GBX2: variants seen among roughly 807,000 people sequenced by gnomAD.
GBX2 encodes the protein gastrulation brain homeobox 2, also known as homeobox protein GBX-2.
Under a neutral mutation model 22.4 loss-of-function variants are expected in GBX2, and 5 were observed. The ratio of observed to expected loss-of-function variants is 0.22; its 90% CI spans 0.12 to 0.47. The LOEUF (loss-of-function observed/expected upper bound fraction) is 0.47. Ranked by LOEUF, GBX2 falls within the 20% of genes least tolerant of loss-of-function variation. The probability of loss-of-function intolerance (pLI) is 0.99; values close to 1 mark genes in which losing one functional copy is unlikely to be tolerated. For synonymous variants in GBX2, 220 were observed against 230.5 expected (o/e 0.95, Z 0.41); for missense variants, 470 against 495.4 (o/e 0.95, Z 0.49).
Position 236,165,887 on chromosome 2 carries a change from G to T in GBX2, c.*27C>A. ...CGGGTGCGGGGGCTTCTCCAGGTGGGTGCCAGGCCCTGGCCCTTCTGGACC... is the reference window on the plus strand; with the variant it reads ...CGGGTGCGGGGGCTTCTCCAGGTGGTTGCCAGGCCCTGGCCCTTCTGGACC... On this transcript the variant is annotated 3_prime_UTR_variant, in exon 2 of 2. Transcript: ENST00000306318. The T allele has an allele frequency of 1.3e-6, 2 of 1,569,146 alleles. No individual in the cohort carries two copies. Among genetic ancestry groups the T allele is most frequent in the Non-Finnish European group, 1.7e-6 (2 of 1,157,678 alleles).
chr2:236,163,515 T>G (rs965983743), downstream of GBX2, among the ~76,000 whole-genome samples: 1 of 152,150 alleles, frequency 6.6e-6, no homozygotes, highest in South Asian at 2.1e-4. Flanking sequence ...GCCATGGGCT[T>G]TTGGAGAAGG....
At chr2:236,167,230 G>C (rs368466589) in intron 1 of GBX2, 31 of 1,521,832 alleles carry the variant, frequency 2.0e-5, no homozygotes, top group Non-Finnish European at 2.0e-5. Context: ...GCTGGTCGCC[G>C]GGCGCTAAAC....
Position 236,167,959 on chromosome 2 carries a change from A to G in GBX2, c.13T>C (p.Phe5Leu). 1 of 1,557,604 alleles carries G rather than the reference A, an allele frequency of 6.4e-7. No individual in the cohort carries two copies. The highest frequency in any genetic ancestry group is 8.7e-7 in the Non-Finnish European group (1 of 1,154,190). Residue 5 changes from phenylalanine (F) to leucine (L), a missense_variant, in exon 1 of 2, where the codon TTC (phenylalanine) becomes CTC (leucine). Phe to Leu is a conservative substitution (Grantham distance 22). This residue lies in a region of GBX2 where 377 missense variants were observed against 358.6 expected (regional missense o/e 1.05). Coordinates refer to ENST00000306318, the MANE Select transcript of GBX2 (RefSeq NM_001485.4). Reference protein sequence around the residue: MSAAFPPSLMMMQRP... With the variant: MSAALPPSLMMMQRP... ...TGCATCATCATCAGCGACGGCGGGA[A>G]CGCTGCGCTCATAGACGCGCTCGGT...
rs1035523624 is a variant in GBX2, at chr2:236,167,995, G to C, written c.-24C>G. On this transcript the variant is annotated 5_prime_UTR_variant, in exon 1 of 2. Transcript: ENST00000306318. ...ATAGACGCGCTCGGTAGAGGCCAGC[G>C]AGAGGCGAAAAGTCCCCGCGCCGCG... 8 of 1,515,082 alleles carry C rather than the reference G, an allele frequency of 5.3e-6. No homozygotes were observed. Among genetic ancestry groups the C allele is most frequent in the Admixed American group, 2.2e-5 (1 of 46,450 alleles). 93.9% of individuals were successfully genotyped at this position (1,515,082 alleles called of 1,614,324 possible).
In GBX2 at chr2:236,168,120, T is replaced by C. The variant is rs2060253783; in HGVS notation, c.-149A>G. The C allele has an allele frequency of 2.6e-6, 2 of 774,552 alleles. No individual in the cohort carries two copies. The highest frequency in any genetic ancestry group is 4.2e-5 in the South Asian group (1 of 23,802). The allele number at this position is 774,552 out of a possible 1,614,324, so 48.0% of individuals were successfully genotyped here. A position where few individuals can be genotyped will look rare whatever the true frequency, so the allele number is the denominator to read the frequency against. ...AGCAGACGCCTCCGCCCCTCAGTCC[T>C]GGGCCCGCTGCATGCCGGGCGGGTG... On this transcript the variant is annotated 5_prime_UTR_variant, in exon 1 of 2. Transcript: ENST00000306318.
chr2:236,161,651 C>G (rs1203305863), downstream of GBX2, among the ~76,000 whole-genome samples: 2 of 152,196 alleles, frequency 1.3e-5, no homozygotes, highest in African/African-American at 4.8e-5. Context: ...GCCAGAAGGT[C>G]GGAGCAGGCC....
At position 236,166,124 on chromosome 2, in the gene GBX2, C is replaced by G. The variant is rs1470596216; in HGVS notation, c.837G>C (p.Gln279His). 6.2e-7 allele frequency: 1 copy of G among 1,614,144 alleles called. No individual in the cohort carries two copies. Among genetic ancestry groups the G allele is most frequent in the East Asian group, 2.2e-5 (1 of 44,904 alleles). Residue 279 changes from glutamine (Q) to histidine (H), a missense_variant, in exon 2 of 2, where the codon CAG becomes CAC. This residue lies in a region of GBX2 where 40 missense variants were observed against 55.1 expected (regional missense o/e 0.73). Transcript: ENST00000306318. This position sits in a 1 kb window ranked among gnomAD's most constrained non-coding sequence, Gnocchi z 6.6. ...KKYLSLTERSQIAHALKLSEV... is the reference protein window; with the variant it reads ...KKYLSLTERSHIAHALKLSEV... ...CGCTGAGTTTGAGGGCGTGGGCGAT[C>G]TGCGAGCGCTCGGTCAAGGAGAGGT... is the stretch of plus-strand genomic sequence containing the variant.
rs914835096 is a variant in GBX2, at chr2:236,168,080, G to A, written c.-109C>T. 8 of 1,216,448 alleles carry A rather than the reference G, an allele frequency of 6.6e-6. No homozygotes were observed. The highest frequency in any genetic ancestry group is 2.2e-5 in the South Asian group (1 of 45,736). 75.4% of individuals were successfully genotyped at this position (1,216,448 alleles called of 1,614,324 possible). A position where few individuals can be genotyped will look rare whatever the true frequency, so the allele number is the denominator to read the frequency against. ...CCGCCGGGAGCGCCGGGCAGGGGCCGAGCGGGACCCGGAGAGCAGACGCCT... is the reference window on the plus strand; with the variant it reads ...CCGCCGGGAGCGCCGGGCAGGGGCCAAGCGGGACCCGGAGAGCAGACGCCT... On this transcript the variant is annotated 5_prime_UTR_variant, in exon 1 of 2. Transcript: ENST00000306318.
Position 236,167,841 on chromosome 2 carries a change from T to C in GBX2, c.131A>G (p.Tyr44Cys). 6.7e-7 allele frequency: 1 copy of C among 1,498,704 alleles called. No individual in the cohort carries two copies. The highest frequency in any genetic ancestry group is 8.9e-7 in the Non-Finnish European group (1 of 1,123,776). 92.8% of individuals were successfully genotyped at this position (1,498,704 alleles called of 1,614,324 possible). Residue 44 changes from tyrosine (Y) to cysteine (C), a missense_variant, in exon 1 of 2, where the codon TAC (tyrosine) becomes TGC (cysteine). Physicochemically the swap from Tyr to Cys is radical, Grantham distance 194. Transcript: ENST00000306318. The stretch of plus-strand genomic sequence containing the variant: ...CGGCCGGTAGGGCATGAACATGGGG[T>C]AGCCGGTGTAGACGAAATGGCCGGG... The part of the protein sequence containing the change: ...PSPGHFVYTG[Y>C]PMFMPYRPVV...
downstream of GBX2, among the ~76,000 whole-genome samples, chr2:236,162,261 A>G (rs1240542666): frequency 1.3e-5 from 2 of 152,204 alleles, no homozygotes; most frequent in Non-Finnish European, 2.9e-5. Flanking sequence ...CCCGGGCTCA[A>G]AAAAGCCTGG....
At position 236,166,374 on chromosome 2, in the gene GBX2, T is replaced by C. The variant is rs753318838; in HGVS notation, c.587A>G (p.Glu196Gly). 1 of 1,614,010 alleles carries C rather than the reference T, an allele frequency of 6.2e-7. No individual in the cohort carries two copies. Among genetic ancestry groups the C allele is most frequent in the Non-Finnish European group, 8.5e-7 (1 of 1,180,010 alleles). Reference sequence around the variant, plus strand: ...ATCGCTCTCCAGCGAGAAGCTCTCCTCCTTGCCCTTCGGGTCGTCTTCCAC... The same window carrying C: ...ATCGCTCTCCAGCGAGAAGCTCTCCCCCTTGCCCTTCGGGTCGTCTTCCAC... ...SKVEDDPKGK[E>G]ESFSLESDVD... The change falls in exon 2 of 2, where the codon GAG becomes GGG. Residue 196 changes from glutamate (E) to glycine (G), a missense_variant. Glu to Gly is a moderately conservative substitution (Grantham distance 98). Transcript: ENST00000306318. This position sits in a 1 kb window ranked among gnomAD's most constrained non-coding sequence, Gnocchi z 6.6.
chr2:236,167,072 GC>G, intron 1 of GBX2: 1 of 1,392,280 alleles, frequency 7.2e-7, no homozygotes, highest in Non-Finnish European at 9.8e-7. Flanking sequence ...AAGTCTGGGC[GC>G]CCCTGGGCAC....
At chr2:236,167,308 C>G (rs1247039691) in intron 1 of GBX2, 141 bp downstream of exon 1, 4 of 1,377,992 alleles carry the variant, frequency 2.9e-6, no homozygotes, top group Non-Finnish European at 4.0e-6. Context: ...GCGGCACAGC[C>G]GGGCCTCATC....
At chr2:236,164,585 T>A (rs891349516), downstream of GBX2, among the ~76,000 whole-genome samples, 2 of 151,538 alleles carry the variant, frequency 1.3e-5, no homozygotes, top group African/African-American at 4.9e-5. Context: ...GTTTTCCCCC[T>A]TTGTGGTGCG....
In GBX2 at chr2:236,167,603, C is replaced by T. The variant is rs1305890254; in HGVS notation, c.369G>A (p.Ala123=). The T allele has an allele frequency of 1.3e-6, 2 of 1,594,040 alleles. No individual in the cohort carries two copies. Among genetic ancestry groups the T allele is most frequent in the East Asian group, 2.3e-5 (1 of 43,978 alleles). ...GCGGCTGCGGCGCGAACTTGCGGGC[C>T]GCTGCCGCCTCCTGGTGCTGGGGCG... The part of the protein sequence containing the change: ...SASPQHQEAA[A]ARKFAPQPLP... The change falls in exon 1 of 2, where the codon GCG becomes GCA. Residue 123 remains alanine, a synonymous_variant. Coordinates refer to ENST00000306318, the MANE Select transcript of GBX2 (RefSeq NM_001485.4).
rs1266145891 is a variant in GBX2, at chr2:236,167,477, G to A, written c.495C>T (p.Ser165=). ...GCGAAGCCTGCACCGTCTCGGCCGC[G>A]GAGAAGGCGAGCAGCGAGCCCTCTT... is the stretch of plus-strand genomic sequence containing the variant. ...LAKEGSLLAF[S]AAETVQASLV... Residue 165 remains serine, a synonymous_variant, in exon 1 of 2, where the codon TCC becomes TCT. Transcript: ENST00000306318. 1.3e-6 allele frequency: 2 copies of A among 1,580,756 alleles called. No homozygotes were observed. The highest frequency in any genetic ancestry group is 1.1e-5 in the South Asian group (1 of 88,788).
downstream of GBX2, chr2:236,165,098 G>C (rs950054532): frequency 3.9e-5 from 6 of 152,186 alleles, no homozygotes; most frequent in Non-Finnish European, 7.3e-5. Flanking sequence ...AAAGTGCTGG[G>C]TGGCTCAAGT....
In GBX2 at chr2:236,166,407, T is replaced by G; in HGVS notation, c.554A>C (p.Glu185Ala). ...VGAVRGQGKD[E>A]SKVEDDPKGK... ...CTTCGGGTCGTCTTCCACCTTTGAC[T>G]CGTCTTTCCCTTGCCCTCGGACAGC... The change falls in exon 2 of 2, where the codon GAG becomes GCG. Residue 185 changes from glutamate to alanine, a missense_variant. Coordinates refer to ENST00000306318, the MANE Select transcript of GBX2 (RefSeq NM_001485.4). This position sits in a 1 kb window ranked among gnomAD's most constrained non-coding sequence, Gnocchi z 6.6. The G allele has an allele frequency of 6.2e-7, 1 of 1,613,076 alleles. No homozygotes were observed. The highest frequency in any genetic ancestry group is 8.5e-7 in the Non-Finnish European group (1 of 1,179,318).
rs149479396 is a variant in GBX2, at chr2:236,165,894, G to T, written c.*20C>A. 1 of 1,591,616 alleles carries T rather than the reference G, an allele frequency of 6.3e-7. No homozygotes were observed. On this transcript the variant is annotated 3_prime_UTR_variant, in exon 2 of 2. Coordinates refer to ENST00000306318, the MANE Select transcript of GBX2 (RefSeq NM_001485.4). ...GGGGGCTTCTCCAGGTGGGTGCCAGGCCCTGGCCCTTCTGGACCCTCAGGG... is the reference window on the plus strand; with the variant it reads ...GGGGGCTTCTCCAGGTGGGTGCCAGTCCCTGGCCCTTCTGGACCCTCAGGG...
Sources: gnomAD v4.1 joint callset for allele counts (sites outside exome capture counted in the v4.1 genomes callset) on GRCh38, gnomAD v4.1.1 for gene constraint, gnomAD v4.1.1 regional missense constraint, Gnocchi (gnomAD v3.1) non-coding constraint, MANE v1.5 for transcripts, NCBI Gene and HGNC (gene_info 2026-07-23, HGNC 2026-07-21) for gene names.